Variants in CLCN5 observed in about 807,000 individuals in gnomAD.
CLCN5 encodes Cl-/H+ antiporter 5.
CLCN5 carries 17 observed loss-of-function variants against 54.0 expected under a neutral mutation model. The observed-to-expected ratio is 0.31, with a 90% CI of 0.22 to 0.47. The LOEUF is 0.47. Among genes scored for constraint, CLCN5 ranks in the 20% least tolerant of loss-of-function variants. CLCN5 has a pLI of 1.00. For missense variants in CLCN5, 448 were observed against 646.7 expected, an observed-to-expected ratio of 0.69 and a Z score of 3.33; for synonymous variants, 222 against 233.0, an observed-to-expected ratio of 0.95 and a Z score of 0.43.
intron 3 of CLCN5, among the ~76,000 whole-genome samples, chrX:49,964,680 CTA>C (rs782145389): frequency 9.0e-6 from 1 of 111,595 alleles, no homozygotes; most frequent in East Asian, 2.8e-4. Context: ...TCATTTATCC[CTA>C]TATAAAGATC....
chrX:49,979,868 T>A (rs1225192667), intron 3 of CLCN5, among the ~76,000 whole-genome samples: 2 of 111,073 alleles, frequency 1.8e-5, no homozygotes, highest in African/African-American at 6.5e-5. Flanking sequence ...TACAATAGAT[T>A]CTTGAACCTG....
At position 50,092,231 on chromosome X, in the gene CLCN5, T is replaced by G; in HGVS notation, c.*12T>G. The G allele has an allele frequency of 1.8e-6, 2 of 1,126,202 alleles. No individual in the cohort carries two copies. The highest frequency in any genetic ancestry group is 1.2e-6 in the Non-Finnish European group (1 of 817,437). The allele number at this position is 1,126,202 out of a possible 1,213,427, so 92.8% of individuals were successfully genotyped here. On this transcript the variant is annotated 3_prime_UTR_variant, in exon 15 of 15. Transcript: ENST00000376091. ...TTCTCTTCAACTAGAATCATAGAGT[T>G]CTGGATGTAAAGCGGGAAGGACATT...
At chrX:49,927,203 C>CCA (rs1167032982) in intron 3 of CLCN5, among the ~76,000 whole-genome samples, 3 of 111,676 alleles carry the variant, frequency 2.7e-5, no homozygotes, top group Non-Finnish European at 3.8e-5. Flanking sequence ...GTATTTTTTT[C>CCA]TCTGTAGTTA....
rs147928134 is a variant in CLCN5, at chrX:50,073,251, G to T, written c.415+663G>T. On this transcript the variant is annotated intron_variant, in intron 6 of 14. Transcript: ENST00000376091. Reference sequence around the variant, plus strand: ...GGGCCAAGGACACTAGGTAGAGATGGTAAGAGGTGTGTCCTTATGGCATTA... The same window carrying T: ...GGGCCAAGGACACTAGGTAGAGATGTTAAGAGGTGTGTCCTTATGGCATTA... 6.0e-3 allele frequency among the ~76,000 whole-genome samples: 674 copies of T among 112,040 alleles called. 4 individuals are homozygous for T. The highest frequency in any genetic ancestry group is 0.018 in the Middle Eastern group (4 of 217).
chrX:50,093,977 C>A lies in CLCN5; in HGVS notation c.*1758C>A, dbSNP rs1934184203. The A allele has an allele frequency of 9.0e-6, 1 of 111,055 alleles. No homozygotes were observed. Among genetic ancestry groups the A allele is most frequent in the Non-Finnish European group, 1.9e-5 (1 of 53,052 alleles). 9.2% of individuals were successfully genotyped at this position (111,055 alleles called of 1,213,427 possible). A position where few individuals can be genotyped will look rare whatever the true frequency, so the allele number is the denominator to read the frequency against. On this transcript the variant is annotated 3_prime_UTR_variant, in exon 15 of 15. Transcript: ENST00000376091. ...TTTTATAGCTCTGTTCCTAGCACTTCTCATCATCCTTCCAGCCCAGAATCA... is the reference window on the plus strand; with the variant it reads ...TTTTATAGCTCTGTTCCTAGCACTTATCATCATCCTTCCAGCCCAGAATCA...
chrX:50,031,241 T>G (rs1403425029), intron 3 of CLCN5, among the ~76,000 whole-genome samples: 2 of 112,409 alleles, frequency 1.8e-5, no homozygotes, highest in Non-Finnish European at 3.8e-5. Flanking sequence ...CCAATTTTAA[T>G]GATTCAAACA....
intron 3 of CLCN5, chrX:50,010,565 T>C (rs1557182390): frequency 8.6e-6 from 1 of 115,628 alleles, no homozygotes; most frequent in Non-Finnish European, 1.9e-5. Flanking sequence ...AAGCAACTTC[T>C]CTCTACTTTA....
chrX:50,064,355 A>G (rs1339147165), intron 4 of CLCN5, among the ~76,000 whole-genome samples: 3 of 98,030 alleles, frequency 3.1e-5, no homozygotes, highest in African/African-American at 1.1e-4. Context: ...AAGCATTCCT[A>G]TACACCAACA....
At chrX:50,068,585 C>A (rs1933118691) in intron 4 of CLCN5, among the ~76,000 whole-genome samples, 1 of 102,443 alleles carries the variant, frequency 9.8e-6, no homozygotes, top group Non-Finnish European at 2.0e-5. Context: ...AGAAGACTTA[C>A]AATTGGTAAA....
chrX:50,071,023 T>A (rs1218936182), intron 5 of CLCN5, among the ~76,000 whole-genome samples: 3 of 110,539 alleles, frequency 2.7e-5, no homozygotes, highest in Non-Finnish European at 5.7e-5. Flanking sequence ...CTATTTCTGC[T>A]TGGACTCCAG....
chrX:50,082,316 C>CT (rs781952945), intron 9 of CLCN5, among the ~76,000 whole-genome samples: 163 of 101,487 alleles, frequency 1.6e-3, no homozygotes, highest in East Asian at 6.1e-3. Context: ...ACTGGTTTTA[C>CT]TTTTTTTTTT....
At chrX:50,077,050 T>C (rs1366200862) in intron 7 of CLCN5, among the ~76,000 whole-genome samples, 3 of 112,215 alleles carry the variant, frequency 2.7e-5, no homozygotes, top group African/African-American at 6.5e-5. Flanking sequence ...GAAACAAGAC[T>C]AGGATGTATG....
intron 3 of CLCN5, among the ~76,000 whole-genome samples, chrX:49,992,159 C>T (rs1929290933): frequency 3.7e-5 from 4 of 108,448 alleles, no homozygotes; most frequent in Admixed American, 3.0e-4. Context: ...ATAGAATCTG[C>T]AAAACGGTCC....
At chrX:50,015,318 A>G (rs963867403) in intron 3 of CLCN5, among the ~76,000 whole-genome samples, 2 of 110,254 alleles carry the variant, frequency 1.8e-5, no homozygotes, top group East Asian at 5.8e-4. Flanking sequence ...TTACACTTAC[A>G]GAATGTATAG....
At chrX:49,928,651 C>T (rs1925473283) in intron 3 of CLCN5, among the ~76,000 whole-genome samples, 1 of 111,821 alleles carries the variant, frequency 8.9e-6, no homozygotes, top group Non-Finnish European at 1.9e-5. Context: ...AGCAGCCGGG[C>T]GCGGTGGCTC....
rs370101339 is a variant in CLCN5, at chrX:50,056,186, G to C, written c.164-13693G>C. Among the ~76,000 whole-genome samples the C allele has an allele frequency of 7.2e-5, 8 of 110,723 alleles. No individual in the cohort carries two copies. The East Asian group carries it at 2.0e-3, about 27-fold the overall frequency. The stretch of plus-strand genomic sequence containing the variant: ...TCCCCCCACTAAAGAATAATTGCTA[G>C]TCTTGTGTGCCCAGTTTCCTTCTGG... On this transcript the variant is annotated intron_variant, in intron 4 of 14. Coordinates refer to ENST00000376091, the MANE Select transcript of CLCN5 (RefSeq NM_001127898.4).
chrX:50,026,284 T>C (rs60122868), intron 3 of CLCN5, among the ~76,000 whole-genome samples: 8,146 of 111,543 alleles, frequency 0.073, 746 homozygotes, highest in African/African-American at 0.25. Flanking sequence ...GTTTTATGGC[T>C]CAAATGTTTT....
chrX:50,011,994 C>A (rs184956914), intron 3 of CLCN5, among the ~76,000 whole-genome samples: 64 of 111,279 alleles, frequency 5.8e-4, no homozygotes, highest in African/African-American at 2.0e-3. Flanking sequence ...ATCCTTCATT[C>A]ATTCCCACCT....
chrX:49,937,214 C>T (rs1320705903), intron 3 of CLCN5, among the ~76,000 whole-genome samples: 2 of 111,573 alleles, frequency 1.8e-5, no homozygotes, highest in African/African-American at 3.3e-5. Flanking sequence ...TTTAAGAATT[C>T]GTGTATATGT....
Sources: gnomAD v4.1 joint callset for allele counts (sites outside exome capture counted in the v4.1 genomes callset) on GRCh38, gnomAD v4.1.1 for gene constraint, MANE v1.5 for transcripts, NCBI Gene and HGNC (gene_info 2026-07-23, HGNC 2026-07-21) for gene names.